The following ZNF891 variants were observed in gnomAD, a reference collection of about 807,000 sequenced individuals.
ZNF891 encodes zinc finger protein 891.
For missense variants in ZNF891, 589 were observed against 632.7 expected, an observed-to-expected ratio of 0.93 and a Z score of 0.74; for synonymous variants, 199 against 209.0, an observed-to-expected ratio of 0.95 and a Z score of 0.41.
Position 133,121,184 on chromosome 12 carries a change from A to C in ZNF891, c.735T>G (p.Tyr245Ter), listed in dbSNP as rs1392526901. 2 of 1,535,502 alleles carry C rather than the reference A, an allele frequency of 1.3e-6. No individual in the cohort carries two copies. Among genetic ancestry groups the C allele is most frequent in the Admixed American group, 2.0e-5 (1 of 50,980 alleles). The change falls in exon 2 of 2, where the codon TAT becomes TAG. Residue 245 changes from tyrosine (Y) to a stop codon, truncating the protein, a stop_gained. Coordinates refer to ENST00000537226, the MANE Select transcript of ZNF891 (RefSeq NM_001277291.2). LOFTEE classifies it low-confidence loss of function (END_TRUNC). ...GAGTTGTATCACATTCATGACTTTCATAGAGCTTCTCACTTATAGAGTTTT... is the reference window on the plus strand; with the variant it reads ...GAGTTGTATCACATTCATGACTTTCCTAGAGCTTCTCACTTATAGAGTTTT... ...YVKNSISEKL[Y>*]ESHECDTTLW...
rs774028504 is a variant in ZNF891, at chr12:133,117,427, T to C, written c.*2857A>G. The C allele has an allele frequency of 6.6e-6, 1 of 152,244 alleles. No individual in the cohort carries two copies. Among genetic ancestry groups the C allele is most frequent in the Non-Finnish European group, 1.5e-5 (1 of 68,040 alleles). 9.4% of individuals were successfully genotyped at this position (152,244 alleles called of 1,614,324 possible). A position where few individuals can be genotyped will look rare whatever the true frequency, so the allele number is the denominator to read the frequency against. ...AAAACATTATATAGTTCACATATTCTGATCACTGCTTAGTACAGTTAGGTG... is the reference window on the plus strand; with the variant it reads ...AAAACATTATATAGTTCACATATTCCGATCACTGCTTAGTACAGTTAGGTG... On this transcript the variant is annotated 3_prime_UTR_variant, in exon 2 of 2. Coordinates refer to ENST00000537226, the MANE Select transcript of ZNF891 (RefSeq NM_001277291.2).
intron 1 of ZNF891, chr12:133,125,596 G>T (rs1189218616): frequency 4.4e-6 from 1 of 225,214 alleles, no homozygotes; most frequent in Non-Finnish European, 8.8e-6. Flanking sequence ...AAAAAAAGAA[G>T]ATCCGCATGT....
In ZNF891 at chr12:133,115,360, T is replaced by C. The variant is rs1955709615; in HGVS notation, c.*4924A>G. 2 of 92,252 alleles carry C rather than the reference T, an allele frequency of 2.2e-5. No homozygotes were observed. The highest frequency in any genetic ancestry group is 9.0e-5 in the African/African-American group (2 of 22,280). 5.7% of individuals were successfully genotyped at this position (92,252 alleles called of 1,614,324 possible). A position where few individuals can be genotyped will look rare whatever the true frequency, so the allele number is the denominator to read the frequency against. ...GTGAGCCGAGAACGTGCCACTGCAC[T>C]CCAGCCTGGGAAAAAGCAAAACTCC... On this transcript the variant is annotated 3_prime_UTR_variant, in exon 2 of 2. Transcript: ENST00000537226.
In ZNF891 at chr12:133,115,024, G is replaced by C. The variant is rs1955707540; in HGVS notation, c.*5260C>G. On this transcript the variant is annotated 3_prime_UTR_variant, in exon 2 of 2. Coordinates refer to ENST00000537226, the MANE Select transcript of ZNF891 (RefSeq NM_001277291.2). ...AGGCAAATGGATCAAATACATTATG[G>C]TACAAGCATATAATCAAATACTAAG... 6.6e-6 allele frequency: 1 copy of C among 152,124 alleles called. No homozygotes were observed. Among genetic ancestry groups the C allele is most frequent in the South Asian group, 2.1e-4 (1 of 4,828 alleles). The allele number at this position is 152,124 out of a possible 1,614,324, so 9.4% of individuals were successfully genotyped here. A position where few individuals can be genotyped will look rare whatever the true frequency, so the allele number is the denominator to read the frequency against.
chr12:133,119,152 C>T lies in ZNF891; in HGVS notation c.*1132G>A, dbSNP rs553791069. On this transcript the variant is annotated 3_prime_UTR_variant, in exon 2 of 2. Transcript: ENST00000537226. ...GGTGGATCACCTGAGCCCAGGAGGT[C>T]GAGGTTGCAATGAGCCATGACCACA... The T allele has an allele frequency of 3.1e-4, 46 of 150,176 alleles. No homozygotes were observed. The highest frequency in any genetic ancestry group is 9.8e-4 in the African/African-American group (40 of 40,792). 9.3% of individuals were successfully genotyped at this position (150,176 alleles called of 1,614,324 possible).
chr12:133,121,336 C>T lies in ZNF891; in HGVS notation c.583G>A (p.Glu195Lys), dbSNP rs1325341258. ...TTTGATCCAAGTTTAGAGTTTTCCTCTAATTCATGATAGTCACGGAATAGC... is the reference window on the plus strand; with the variant it reads ...TTTGATCCAAGTTTAGAGTTTTCCTTTAATTCATGATAGTCACGGAATAGC... ...QELFRDYHEL[E>K]ENSKLGSKLI... The change falls in exon 2 of 2, where the codon GAG (glutamate) becomes AAG (lysine). Residue 195 changes from glutamate to lysine, a missense_variant. Physicochemically the swap from Glu to Lys is moderately conservative, Grantham distance 56. Transcript: ENST00000537226. 3.3e-6 allele frequency: 5 copies of T among 1,535,868 alleles called. No homozygotes were observed. The highest frequency in any genetic ancestry group is 4.4e-6 in the Non-Finnish European group (5 of 1,146,844).
In ZNF891 at chr12:133,106,454, G is replaced by C; in HGVS notation, c.*13830C>G. ...CTATGCGTGTGCTGAATGTGATAAA[G>C]CCTTCAGCCGGAGCTTTTCCCTCAT... On this transcript the variant is annotated 3_prime_UTR_variant, in exon 2 of 2. Coordinates refer to ENST00000537226, the MANE Select transcript of ZNF891 (RefSeq NM_001277291.2). 6.2e-7 allele frequency: 1 copy of C among 1,614,030 alleles called. No individual in the cohort carries two copies. The highest frequency in any genetic ancestry group is 8.5e-7 in the Non-Finnish European group (1 of 1,179,998).
Position 133,120,291 on chromosome 12 carries a change from G to T in ZNF891, c.1628C>A (p.Thr543Asn), listed in dbSNP as rs1449119269. Reference protein sequence around the residue: ...IHKRIHTERETL With the variant: ...IHKRIHTERENL ...ATTCCACATTCATAACACTTACAGG[G>T]TTTCTCTCTCAGTATGAATTCTCTT... The change falls in exon 2 of 2, where the codon ACC becomes AAC. Residue 543 changes from threonine to asparagine, a missense_variant. Physicochemically the swap from Thr to Asn is moderately conservative, Grantham distance 65. Coordinates refer to ENST00000537226, the MANE Select transcript of ZNF891 (RefSeq NM_001277291.2). 2.0e-6 allele frequency: 3 copies of T among 1,532,414 alleles called. No individual in the cohort carries two copies. Among genetic ancestry groups the T allele is most frequent in the Non-Finnish European group, 2.6e-6 (3 of 1,141,940 alleles). 94.9% of individuals were successfully genotyped at this position (1,532,414 alleles called of 1,614,324 possible).
chr12:133,127,109 G>A (rs923895832), intron 1 of ZNF891, among the ~76,000 whole-genome samples: 2 of 150,806 alleles, frequency 1.3e-5, no homozygotes, highest in Non-Finnish European at 3.0e-5. Flanking sequence ...GATTACAGGC[G>A]CCGGCCACCA....
At chr12:133,126,656 CAA>C (rs36042670) in intron 1 of ZNF891, among the ~76,000 whole-genome samples, 2 of 124,024 alleles carry the variant, frequency 1.6e-5, no homozygotes, top group Non-Finnish European at 1.7e-5. Context: ...AATAAAAATA[CAA>C]AAAAAAAAAA....
At position 133,105,288 on chromosome 12, in the gene ZNF891, A is replaced by G. The variant is rs1028394369; in HGVS notation, c.*14996T>C. On this transcript the variant is annotated 3_prime_UTR_variant, in exon 2 of 2. Coordinates refer to ENST00000537226, the MANE Select transcript of ZNF891 (RefSeq NM_001277291.2). ...TAGCTCTATTTTCCCTGCTCTTTCA[A>G]TTACTTACGTTTACACTTTCTCTTT... Among the ~76,000 whole-genome samples, 1 of 152,142 alleles carries G rather than the reference A, an allele frequency of 6.6e-6. No homozygotes were observed. The highest frequency in any genetic ancestry group is 1.5e-5 in the Non-Finnish European group (1 of 68,034).
intron 1 of ZNF891, among the ~76,000 whole-genome samples, chr12:133,128,669 G>A (rs1343345838): frequency 6.6e-6 from 1 of 151,712 alleles, no homozygotes; most frequent in Non-Finnish European, 1.5e-5. Context: ...AAAATTAGCT[G>A]GATTAGCCGG....
Position 133,108,891 on chromosome 12 carries a change from A to AT in ZNF891, c.*11392dup, listed in dbSNP as rs1955659694. The AT allele has an allele frequency of 6.6e-6, 1 of 152,234 alleles. No individual in the cohort carries two copies. The highest frequency in any genetic ancestry group is 1.5e-5 in the Non-Finnish European group (1 of 68,030). 9.4% of individuals were successfully genotyped at this position (152,234 alleles called of 1,614,324 possible). A position where few individuals can be genotyped will look rare whatever the true frequency, so the allele number is the denominator to read the frequency against. On this transcript the variant is annotated 3_prime_UTR_variant, in exon 2 of 2. Coordinates refer to ENST00000537226, the MANE Select transcript of ZNF891 (RefSeq NM_001277291.2). Reference sequence around the variant, plus strand: ...ACACTGTGGGAAAACTACCATTGTAATAAGTGTAGCAAAATCTTCTTAGAT... The same window carrying AT: ...ACACTGTGGGAAAACTACCATTGTAATTAAGTGTAGCAAAATCTTCTTAGAT...
chr12:133,106,162 T>A lies in ZNF891; in HGVS notation c.*14122A>T. ...AACTCATTCGCCACCAGATTACACA[T>A]ACTGGAGAGAAACCTTATGAATGCA... On this transcript the variant is annotated 3_prime_UTR_variant, in exon 2 of 2. Coordinates refer to ENST00000537226, the MANE Select transcript of ZNF891 (RefSeq NM_001277291.2). The A allele has an allele frequency of 6.2e-7, 1 of 1,614,182 alleles. No individual in the cohort carries two copies. Among genetic ancestry groups the A allele is most frequent in the Non-Finnish European group, 8.5e-7 (1 of 1,180,014 alleles).
At position 133,120,875 on chromosome 12, in the gene ZNF891, A is replaced by AT. The variant is rs1955750788; in HGVS notation, c.1043dup (p.Tyr348Ter). The AT allele has an allele frequency of 6.5e-7, 1 of 1,542,272 alleles. No individual in the cohort carries two copies. Among genetic ancestry groups the AT allele is most frequent in the African/African-American group, 1.4e-5 (1 of 73,058 alleles). Reference protein sequence around the residue: ...YKKSHMGEKQYECKECGKVFN... With the variant: ...YKKSHMGEKQ ...ACACTTTACCACATTCTTTACATTC[A>AT]TATTGTTTCTCACCCATGTGACTTT... Residue 348 changes from tyrosine (Y) to a stop codon, truncating the protein, a stop_gained and frameshift_variant, in exon 2 of 2, where the codon TAT (tyrosine) becomes TAAT (stop). Transcript: ENST00000537226. LOFTEE classifies it low-confidence loss of function (END_TRUNC).
intron 1 of ZNF891, chr12:133,125,908 T>C: frequency 2.0e-6 from 1 of 495,406 alleles, no homozygotes; most frequent in Non-Finnish European, 4.0e-6. Flanking sequence ...GACTGGCTCC[T>C]GGTTCCCATG....
Position 133,106,181 on chromosome 12 carries a change from G to T in ZNF891, c.*14103C>A, listed in dbSNP as rs144936845. ...TACACATACTGGAGAGAAACCTTATGAATGCATTGAATGTGGGAAGGCATT... is the reference window on the plus strand; with the variant it reads ...TACACATACTGGAGAGAAACCTTATTAATGCATTGAATGTGGGAAGGCATT... On this transcript the variant is annotated 3_prime_UTR_variant, in exon 2 of 2. Transcript: ENST00000537226. The T allele has an allele frequency of 6.2e-6, 10 of 1,614,054 alleles. No homozygotes were observed. In the African/African-American group the frequency reaches 1.3e-4, roughly 22 times the overall value.
In ZNF891 at chr12:133,121,359, A is replaced by G; in HGVS notation, c.560T>C (p.Leu187Pro). Residue 187 changes from leucine to proline, a missense_variant, in exon 2 of 2, where the codon CTA (leucine) becomes CCA (proline). Physicochemically the swap from Leu to Pro is moderately conservative, Grantham distance 98. Transcript: ENST00000537226. ...CTCTAATTCATGATAGTCACGGAATAGCTCCTGAGGTACTGTTTTCTTTGG... is the reference window on the plus strand; with the variant it reads ...CTCTAATTCATGATAGTCACGGAATGGCTCCTGAGGTACTGTTTTCTTTGG... ...YAPKKTVPQE[L>P]FRDYHELEEN... is the part of the protein sequence containing the mutation. The G allele has an allele frequency of 1.3e-6, 2 of 1,536,116 alleles. No individual in the cohort carries two copies. Among genetic ancestry groups the G allele is most frequent in the Non-Finnish European group, 1.7e-6 (2 of 1,146,884 alleles).
intron 1 of ZNF891, among the ~76,000 whole-genome samples, chr12:133,127,198 C>G (rs957794958): frequency 6.6e-6 from 1 of 151,944 alleles, no homozygotes; most frequent in Non-Finnish European, 1.5e-5. Context: ...AACTCCTGAC[C>G]TCATGATCCA....
Sources: allele counts gnomAD v4.1 joint callset (sites outside exome capture counted in the v4.1 genomes callset), GRCh38; gene constraint gnomAD v4.1.1; transcripts MANE v1.5; gene names NCBI Gene and HGNC (gene_info 2026-07-23, HGNC 2026-07-21).